Variants in RNF180 observed in about 807,000 individuals in gnomAD.
RNF180 encodes E3 ubiquitin-protein ligase RNF180.
RNF180 carries 38 observed loss-of-function variants against 59.2 expected under a neutral mutation model. That is an observed-to-expected ratio of 0.64 (90% CI 0.50 to 0.84). The LOEUF is 0.84. RNF180 is among the 40% of genes least tolerant of loss of function. RNF180 has a pLI of 0.00. For synonymous variants in RNF180, 262 were observed against 240.3 expected (o/e 1.09, Z -0.84); for missense variants, 705 against 700.9 (o/e 1.01, Z -0.07).
intron 1 of RNF180, among the ~76,000 whole-genome samples, chr5:64,173,760 G>T (rs973071010): frequency 1.3e-5 from 2 of 149,268 alleles, no homozygotes; most frequent in Non-Finnish European, 3.0e-5. Flanking sequence ...CTGTCACCCA[G>T]GCTTGAGTGC....
intron 1 of RNF180, among the ~76,000 whole-genome samples, chr5:64,181,449 A>G (rs531023979): frequency 1.6e-3 from 246 of 152,350 alleles, no homozygotes; most frequent in Non-Finnish European, 2.7e-3. Context: ...AGCAATGGCA[A>G]TTACAGTTTT....
intron 7 of RNF180, among the ~76,000 whole-genome samples, chr5:64,363,539 C>G (rs1746336878): frequency 6.6e-6 from 1 of 151,848 alleles, no homozygotes; most frequent in African/African-American, 2.4e-5. Context: ...CAGCTGTGTT[C>G]TTATTGCTTA....
chr5:64,268,984 T>C (rs1406339108), intron 5 of RNF180, among the ~76,000 whole-genome samples: 1 of 152,142 alleles, frequency 6.6e-6, no homozygotes, highest in Non-Finnish European at 1.5e-5. Context: ...TCTCTACCTT[T>C]TGTTGCATAC....
chr5:64,338,971 G>A (rs971282708), intron 7 of RNF180, among the ~76,000 whole-genome samples: 1 of 151,952 alleles, frequency 6.6e-6, no homozygotes, highest in African/African-American at 2.4e-5. Context: ...GAGTAAAATT[G>A]TATTTATTTT....
chr5:64,283,625 G>A (rs914810563), intron 5 of RNF180, among the ~76,000 whole-genome samples: 1 of 152,098 alleles, frequency 6.6e-6, no homozygotes, highest in African/African-American at 2.4e-5. Context: ...GTTCTCATGA[G>A]ATCTGATGGT....
intron 2 of RNF180, among the ~76,000 whole-genome samples, chr5:64,205,798 A>T (rs566047378): frequency 1.3e-5 from 2 of 152,272 alleles, no homozygotes; most frequent in Non-Finnish European, 2.9e-5. Context: ...AGGAGAAAAA[A>T]AAAGAGTGAA....
At chr5:64,340,760 A>G (rs1354819689) in intron 7 of RNF180, among the ~76,000 whole-genome samples, 2 of 152,084 alleles carry the variant, frequency 1.3e-5, no homozygotes, top group East Asian at 1.9e-4. Flanking sequence ...TTTGTTACAC[A>G]GTTTACTTAT....
chr5:64,317,597 T>A (rs955213310), intron 5 of RNF180, among the ~76,000 whole-genome samples: 4 of 123,868 alleles, frequency 3.2e-5, no homozygotes, highest in Admixed American at 8.3e-5. Context: ...TACATATTTA[T>A]ACACACACAC....
At chr5:64,242,514 G>A (rs1279442900) in intron 5 of RNF180, among the ~76,000 whole-genome samples, 1 of 152,174 alleles carries the variant, frequency 6.6e-6, no homozygotes, top group Non-Finnish European at 1.5e-5. Flanking sequence ...AAGTGACCAG[G>A]ACGAGAAATG....
chr5:64,189,538 ACTT>A (rs1751034377), intron 1 of RNF180, among the ~76,000 whole-genome samples: 1 of 152,174 alleles, frequency 6.6e-6, no homozygotes, highest in Non-Finnish European at 1.5e-5. Flanking sequence ...GGAAGGTAGA[ACTT>A]GTGAGTGATG....
intron 2 of RNF180, among the ~76,000 whole-genome samples, chr5:64,205,533 G>A (rs187254933): frequency 5.7e-4 from 87 of 152,288 alleles, no homozygotes; most frequent in African/African-American, 2.0e-3. Flanking sequence ...AGTTAGTTTT[G>A]TTATGGTTTT....
chr5:64,233,442 AT>A (rs756619839), intron 5 of RNF180, among the ~76,000 whole-genome samples: 2 of 152,240 alleles, frequency 1.3e-5, no homozygotes, highest in Non-Finnish European at 2.9e-5. Context: ...GAAATTAAAA[AT>A]TAACGAGAAA....
chr5:64,327,470 G>A (rs975825383), intron 6 of RNF180, among the ~76,000 whole-genome samples: 1 of 151,846 alleles, frequency 6.6e-6, no homozygotes, highest in Non-Finnish European at 1.5e-5. Context: ...GTAGCTTTTG[G>A]CGTATTATAT....
intron 5 of RNF180, among the ~76,000 whole-genome samples, chr5:64,297,967 C>T (rs1346418942): frequency 2.2e-4 from 34 of 151,960 alleles, no homozygotes; most frequent in Non-Finnish European, 2.9e-5. Context: ...ATGTGTGTCA[C>T]GGGGGTTTGT....
At chr5:64,235,015 A>G (rs1468998934) in intron 5 of RNF180, among the ~76,000 whole-genome samples, 3 of 152,210 alleles carry the variant, frequency 2.0e-5, no homozygotes, top group Non-Finnish European at 4.4e-5. Context: ...GGTAGCTCAC[A>G]CTTGTAATCC....
At chr5:64,342,739 A>C (rs940324746) in intron 7 of RNF180, among the ~76,000 whole-genome samples, 2 of 152,154 alleles carry the variant, frequency 1.3e-5, no homozygotes, top group Non-Finnish European at 2.9e-5. Flanking sequence ...ACTGTTAAGC[A>C]AAAAATGCAG....
Position 64,277,890 on chromosome 5 carries a change from T to A in RNF180, c.1228-47296T>A, listed in dbSNP as rs574621736. Reference sequence around the variant, plus strand: ...AGCTGGGCCAACTCTAGCTGAAGAATGCCTAGGTAAACAACTATTTAGGCT... The same window carrying A: ...AGCTGGGCCAACTCTAGCTGAAGAAAGCCTAGGTAAACAACTATTTAGGCT... On this transcript the variant is annotated intron_variant, in intron 5 of 7. Coordinates refer to ENST00000389100, the MANE Select transcript of RNF180 (RefSeq NM_001113561.2). Among the ~76,000 whole-genome samples, 15 of 152,300 alleles carry A rather than the reference T, an allele frequency of 9.8e-5. 2 individuals are homozygous for A. Among genetic ancestry groups the A allele is most frequent in the African/African-American group, 3.6e-4 (15 of 41,572 alleles).
In RNF180 at chr5:64,188,222, A is replaced by ATGCC. The variant is rs570827873; in HGVS notation, c.1-12585_1-12582dup. ...GTTGTGGGTTACTGTTGGGATTGCT[A>ATGCC]TGCCCTGTGTAACAATGAGATTTCC... On this transcript the variant is annotated intron_variant, in intron 1 of 7. Coordinates refer to ENST00000389100, the MANE Select transcript of RNF180 (RefSeq NM_001113561.2). 2.6e-3 allele frequency among the ~76,000 whole-genome samples: 399 copies of ATGCC among 152,298 alleles called. 5 individuals are homozygous for ATGCC. Among genetic ancestry groups the ATGCC allele is most frequent in the African/African-American group, 9.3e-3 (386 of 41,576 alleles).
intron 1 of RNF180, among the ~76,000 whole-genome samples, chr5:64,196,145 G>A (rs1751444836): frequency 6.6e-6 from 1 of 150,750 alleles, no homozygotes; most frequent in African/African-American, 2.4e-5. Context: ...GGAAACACCT[G>A]TAACCTAAAA....
Sources: allele counts gnomAD v4.1 joint callset (sites outside exome capture counted in the v4.1 genomes callset), GRCh38; gene constraint gnomAD v4.1.1; transcripts MANE v1.5; gene names NCBI Gene and HGNC (gene_info 2026-07-23, HGNC 2026-07-21).